Variants in RBFOX1 observed in about 807,000 individuals in gnomAD.
RBFOX1 encodes the protein RNA binding fox-1 homolog 1.
Under a neutral mutation model 57.7 loss-of-function variants are expected in RBFOX1, and 8 were observed. The observed-to-expected ratio is 0.14, with a 90% CI of 0.08 to 0.25. The LOEUF (loss-of-function observed/expected upper bound fraction) is 0.25, where lower values mean the gene tolerates loss of function less well. Among genes scored for constraint, RBFOX1 ranks in the 10% least tolerant of loss-of-function variants. The pLI, the probability that RBFOX1 is intolerant of heterozygous loss-of-function variation, is 1.00. For missense variants in RBFOX1, 611 were observed against 548.5 expected (o/e 1.11, Z -1.14); for synonymous variants, 326 against 222.4 (o/e 1.47, Z -4.15).
At chr16:6,476,867 C>A (rs956242538) in intron 2 of RBFOX1, among the ~76,000 whole-genome samples, 2 of 152,198 alleles carry the variant, frequency 1.3e-5, no homozygotes, top group African/African-American at 4.8e-5. Context: ...GCTTAATCAA[C>A]TAAGTGTATG....
chr16:6,603,452 C>G (rs958263201), intron 2 of RBFOX1, among the ~76,000 whole-genome samples: 1 of 152,184 alleles, frequency 6.6e-6, no homozygotes, highest in Non-Finnish European at 1.5e-5. Flanking sequence ...TCAAAATGGA[C>G]TGTTGATTTA....
intron 2 of RBFOX1, among the ~76,000 whole-genome samples, chr16:6,623,166 A>G (rs1448540747): frequency 1.3e-5 from 2 of 152,238 alleles, no homozygotes; most frequent in East Asian, 3.9e-4. Context: ...AGAAGCTTAC[A>G]TTGTAGTAAG....
intron 4 of RBFOX1, among the ~76,000 whole-genome samples, chr16:5,936,714 G>A (rs1041174476): frequency 6.6e-6 from 1 of 152,196 alleles, no homozygotes; most frequent in African/African-American, 2.4e-5. Flanking sequence ...CTAAATCATT[G>A]TACTGTGTAT....
intron 4 of RBFOX1, among the ~76,000 whole-genome samples, chr16:7,340,085 A>G (rs73563880): frequency 0.27 from 41,539 of 152,144 alleles, 6,610 homozygotes; most frequent in African/African-American, 0.44. Context: ...CAAATCAATC[A>G]TCTAATCTCT....
chr16:5,545,792 C>G (rs896711060), intron 2 of RBFOX1, among the ~76,000 whole-genome samples: 3 of 152,156 alleles, frequency 2.0e-5, no homozygotes, highest in African/African-American at 7.2e-5. Flanking sequence ...AGAATGTCTG[C>G]TCTTATCACT....
intron 3 of RBFOX1, among the ~76,000 whole-genome samples, chr16:7,013,399 A>T (rs2093745739): frequency 2.6e-5 from 4 of 152,172 alleles, no homozygotes; most frequent in African/African-American, 7.2e-5. Flanking sequence ...GACCCAGAGA[A>T]CATGTGACAA....
intron 3 of RBFOX1, among the ~76,000 whole-genome samples, chr16:6,930,004 G>C (rs1243137481): frequency 6.6e-6 from 1 of 152,138 alleles, no homozygotes; most frequent in African/African-American, 2.4e-5. Flanking sequence ...AGGAAAAACA[G>C]AGCGAGATCT....
chr16:6,508,363 C>T (rs77622281), intron 2 of RBFOX1, among the ~76,000 whole-genome samples: 1 of 151,994 alleles, frequency 6.6e-6, no homozygotes, highest in African/African-American at 2.4e-5. Flanking sequence ...GAACATAAAA[C>T]TTAAAACAAA....
At chr16:6,277,831 T>C (rs117266498) in intron 1 of RBFOX1, among the ~76,000 whole-genome samples, 1 of 152,160 alleles carries the variant, frequency 6.6e-6, no homozygotes, top group Non-Finnish European at 1.5e-5. Context: ...CTGATTGCGA[T>C]TAGGATTACT....
chr16:5,321,570 T>C (rs1280878846), intron 1 of RBFOX1, among the ~76,000 whole-genome samples: 2 of 152,140 alleles, frequency 1.3e-5, no homozygotes, highest in African/African-American at 4.8e-5. Context: ...TCCGCCCATG[T>C]TGGCGCAAAG....
At chr16:5,901,743 T>G (rs1053823672) in intron 4 of RBFOX1, among the ~76,000 whole-genome samples, 1 of 152,244 alleles carries the variant, frequency 6.6e-6, no homozygotes, top group Non-Finnish European at 1.5e-5. Flanking sequence ...ACAGAATTTT[T>G]TGGGGGCAGT....
chr16:6,264,743 C>G (rs542922830), intron 1 of RBFOX1, among the ~76,000 whole-genome samples: 1 of 152,328 alleles, frequency 6.6e-6, no homozygotes, highest in African/African-American at 2.4e-5. Context: ...AGGTGCTCAG[C>G]TCTTTTTTGC....
chr16:6,985,361 A>T (rs2090009097), intron 3 of RBFOX1, among the ~76,000 whole-genome samples: 1 of 152,198 alleles, frequency 6.6e-6, no homozygotes, highest in Non-Finnish European at 1.5e-5. Flanking sequence ...CATACACAAA[A>T]GATATATGGT....
intron 1 of RBFOX1, among the ~76,000 whole-genome samples, chr16:5,247,600 A>G (rs2151070606): frequency 6.6e-6 from 1 of 152,318 alleles, no homozygotes; most frequent in African/African-American, 2.4e-5. Flanking sequence ...GCCTGTTCAT[A>G]CAAATAAAGT....
intron 3 of RBFOX1, among the ~76,000 whole-genome samples, chr16:6,954,153 A>G (rs1022731147): frequency 7.9e-5 from 12 of 152,166 alleles, no homozygotes; most frequent in African/African-American, 2.9e-4. Flanking sequence ...GGTTAGATCT[A>G]GTGGTTTTGA....
At chr16:5,875,185 C>T (rs986183035) in intron 4 of RBFOX1, among the ~76,000 whole-genome samples, 14 of 152,308 alleles carry the variant, frequency 9.2e-5, no homozygotes, top group Middle Eastern at 3.4e-3. Flanking sequence ...GAGTCCCAAG[C>T]ACTGCATTAT....
At chr16:7,082,851 G>C (rs2059413280) in intron 4 of RBFOX1, among the ~76,000 whole-genome samples, 1 of 152,148 alleles carries the variant, frequency 6.6e-6, no homozygotes, top group Admixed American at 6.6e-5. Context: ...ATTAATTATT[G>C]TGTTGAGTTG....
chr16:6,663,117 A>AG (rs1171529221), intron 3 of RBFOX1, among the ~76,000 whole-genome samples: 1 of 152,154 alleles, frequency 6.6e-6, no homozygotes, highest in African/African-American at 2.4e-5. Flanking sequence ...ACAGGGTGGA[A>AG]GGCAGACTGG....
intron 3 of RBFOX1, among the ~76,000 whole-genome samples, chr16:5,833,652 G>T (rs1425291702): frequency 6.6e-6 from 1 of 152,130 alleles, no homozygotes; most frequent in Non-Finnish European, 1.5e-5. Flanking sequence ...AGATAAGGAT[G>T]ATTTGTGATC....
Sources: allele counts gnomAD v4.1 joint callset (sites outside exome capture counted in the v4.1 genomes callset), GRCh38; gene constraint gnomAD v4.1.1; transcripts MANE v1.5; gene names NCBI Gene and HGNC (gene_info 2026-07-23, HGNC 2026-07-21).